The following CELSR2 variants were observed in gnomAD, a reference collection of about 807,000 sequenced individuals.
The protein encoded by CELSR2 is EGF-like protein 2.
A neutral mutation model predicts 251.6 loss-of-function variants in CELSR2; 81 were observed. The observed-to-expected ratio is 0.32, with a 90% CI of 0.27 to 0.39. CELSR2 has a LOEUF of 0.39. CELSR2 is among the 10% of genes least tolerant of loss of function. The probability of loss-of-function intolerance (pLI) is 1.00; values close to 1 mark genes in which losing one functional copy is unlikely to be tolerated. For synonymous variants in CELSR2, 1,721 were observed against 1,670.5 expected (o/e 1.03, Z -0.74); for missense variants, 3,365 against 3,947.7 (o/e 0.85, Z 3.96).
Position 109,274,399 on chromosome 1 carries a change from C to G in CELSR2, c.*350C>G. On this transcript the variant is annotated 3_prime_UTR_variant, in exon 34 of 34. Transcript: ENST00000271332. ...TTTTTATACGCTGGAAATTGACTCC[C>G]CTTTCCCTTCCCAAAGAGGATAGGA... 2.7e-6 allele frequency: 1 copy of G among 367,962 alleles called. No individual in the cohort carries two copies. The highest frequency in any genetic ancestry group is 5.1e-5 in the East Asian group (1 of 19,754). 22.8% of individuals were successfully genotyped at this position (367,962 alleles called of 1,614,324 possible). A position where few individuals can be genotyped will look rare whatever the true frequency, so the allele number is the denominator to read the frequency against.
rs756347170 is a variant in CELSR2 at position 109,262,380 on chromosome 1, C to T, written c.4480C>T (p.Arg1494Cys). 5.6e-6 allele frequency: 9 copies of T among 1,614,032 alleles called. No homozygotes were observed. The highest frequency in any genetic ancestry group is 1.6e-4 in the Middle Eastern group (1 of 6,082). The change falls in exon 6 of 34, where the codon CGC becomes TGC. Residue 1494 changes from arginine to cysteine, a missense_variant. Transcript: ENST00000271332. The stretch of plus-strand genomic sequence containing the variant: ...TGGCTGTGACACAGGAGTGGCCTTG[C>T]GCTTCGGATCTGTCCTGGGCAACTA... ...VDGCDTGVALRFGSVLGNYSC... is the reference protein window; with the variant it reads ...VDGCDTGVALCFGSVLGNYSC...
At position 109,265,726 on chromosome 1, in the gene CELSR2, C is replaced by T. The variant is rs532836927; in HGVS notation, c.5728-9C>T. 2.5e-6 allele frequency: 4 copies of T among 1,604,232 alleles called. No individual in the cohort carries two copies. The highest frequency in any genetic ancestry group is 1.3e-5 in the African/African-American group (1 of 74,906). ...TGGCCAGTGACACCGTTCTTCCCTC[C>T]TTTCTCAGGAGAACCACTACCGGCC... On this transcript the variant is annotated splice_polypyrimidine_tract_variant and intron_variant, in intron 13 of 33. Transcript: ENST00000271332.
At chr1:109,257,832 C>T (rs1456752206) in intron 1 of CELSR2, among the ~76,000 whole-genome samples, 1 of 152,208 alleles carries the variant, frequency 6.6e-6, no homozygotes, top group African/African-American at 2.4e-5. Context: ...CACAGCAGCC[C>T]AGAGAGTTGG....
At chr1:109,268,430 G>T (rs142365730) in intron 17 of CELSR2, 151 bp from the exon 18 acceptor site, 17 of 1,049,710 alleles carry the variant, frequency 1.6e-5, no homozygotes, top group Non-Finnish European at 2.1e-5. Flanking sequence ...TGGGCAGTGC[G>T]GTCCAGGAGC....
Position 109,259,071 on chromosome 1 carries a change from G to A in CELSR2, c.3950G>A (p.Gly1317Asp). ...GGCTACACCTGCCTCTGTCGTGATG[G>A]CTACACGGGTGAGCCAAGGGAGGGG... ...EGGYTCLCRD[G>D]YTGEHCEVSA... The change falls in exon 2 of 34, where the codon GGC becomes GAC. Residue 1317 changes from glycine to aspartate, a missense_variant. By Grantham distance (94) the Gly-to-Asp change is moderately conservative (BLOSUM62 -1). Around this residue, in one of 5 missense-constraint regions of CELSR2, gnomAD observed 2,093 missense variants for 2,382.8 expected, o/e 0.88. Transcript: ENST00000271332. 6.3e-7 allele frequency: 1 copy of A among 1,579,846 alleles called. No homozygotes were observed. Among genetic ancestry groups the A allele is most frequent in the Non-Finnish European group, 8.6e-7 (1 of 1,167,208 alleles).
chr1:109,258,890 G>T lies in CELSR2; in HGVS notation c.3769G>T (p.Ala1257Ser), dbSNP rs767046890. The T allele has an allele frequency of 2.4e-5, 38 of 1,612,404 alleles. 2 individuals are homozygous for T. The South Asian group carries it at 4.1e-4, about 17-fold the overall frequency. Residue 1257 changes from alanine (A) to serine (S), a missense_variant, in exon 2 of 34, where the codon GCC (alanine) becomes TCC (serine). This residue lies in a region of CELSR2 where 2,093 missense variants were observed against 2,382.8 expected (regional missense o/e 0.88). Transcript: ENST00000271332. The part of the protein sequence containing the change: ...LRFDSSAPFI[A>S]SSSVLFRPIH... ...CTTCGACTCCTCCGCGCCCTTCATC[G>T]CCTCCTCCTCCGTGCTCTTCCGGCC...
At position 109,273,436 on chromosome 1, in the gene CELSR2, G is replaced by A; in HGVS notation, c.8510G>A (p.Gly2837Asp). 6.2e-7 allele frequency: 1 copy of A among 1,610,938 alleles called. No homozygotes were observed. Among genetic ancestry groups the A allele is most frequent in the Non-Finnish European group, 8.5e-7 (1 of 1,178,818 alleles). The change falls in exon 33 of 34, where the codon GGC becomes GAC. Residue 2837 changes from glycine (G) to aspartate (D), a missense_variant and splice_region_variant. Physicochemically the swap from Gly to Asp is moderately conservative, Grantham distance 94 (BLOSUM62 -1). Around this residue, in one of 5 missense-constraint regions of CELSR2, gnomAD observed 2,093 missense variants for 2,382.8 expected, o/e 0.88. Coordinates refer to ENST00000271332, the MANE Select transcript of CELSR2 (RefSeq NM_001408.3). The stretch of plus-strand genomic sequence containing the variant: ...CTCACAGCCCCGCCCCGGCCCACAG[G>A]CATCCTTAAGAAGAAGTGTCTGCCC... ...LPGSSAQPHKGILKKKCLPTI... is the reference protein window; with the variant it reads ...LPGSSAQPHKDILKKKCLPTI...
chr1:109,263,580 C>T (rs758926746), intron 8 of CELSR2, 31 bp from the exon 9 acceptor site: 100 of 1,609,140 alleles, frequency 6.2e-5, no homozygotes, highest in Middle Eastern at 1.7e-4. Flanking sequence ...AGGCTCCACC[C>T]GTCACAGTCT....
At chr1:109,265,640 G>T in intron 13 of CELSR2, 95 bp from the exon 14 acceptor site, 1 of 1,460,248 alleles carries the variant, frequency 6.8e-7, no homozygotes, top group South Asian at 1.3e-5. Context: ...ACCTGAGGTC[G>T]GGACCCTCTC....
chr1:109,264,401 C>T (rs1340818362), intron 10 of CELSR2, 36 bp downstream of exon 10: 3 of 1,597,520 alleles, frequency 1.9e-6, no homozygotes, highest in Non-Finnish European at 2.6e-6. Context: ...TCCCCTCCCC[C>T]ACCACCTGCA....
chr1:109,273,891 A>G (rs1656450362), intron 33 of CELSR2, 131 bp from the exon 34 acceptor site: 1 of 1,303,944 alleles, frequency 7.7e-7, no homozygotes, highest in Non-Finnish European at 1.1e-6. Context: ...AGCCTAGGGC[A>G]GAGTGCGGGA....
chr1:109,268,454 C>A, intron 17 of CELSR2, 127 bp from the exon 18 acceptor site: 1 of 1,268,210 alleles, frequency 7.9e-7, no homozygotes. Flanking sequence ...TCAGGGGAGG[C>A]AACAGTGAGC....
Position 109,273,469 on chromosome 1 carries a change from G to T in CELSR2, c.8543G>T (p.Ser2848Ile), listed in dbSNP as rs200881205. The change falls in exon 33 of 34, where the codon AGC (serine) becomes ATC (isoleucine). Residue 2848 changes from serine to isoleucine, a missense_variant. Physicochemically the swap from Ser to Ile is moderately radical, Grantham distance 142 (BLOSUM62 -2). Transcript: ENST00000271332. ...AAGAAGAAGTGTCTGCCCACCATCA[G>T]CGAGAAGAGCAGCCTCCTGCGGCTC... ...ILKKKCLPTI[S>I]EKSSLLRLPL... is the part of the protein sequence containing the mutation. The T allele has an allele frequency of 1.4e-5, 22 of 1,612,358 alleles. No homozygotes were observed. The highest frequency in any genetic ancestry group is 1.9e-5 in the Non-Finnish European group (22 of 1,179,550).
At chr1:109,262,769 G>C in intron 6 of CELSR2, 37 bp from the exon 7 acceptor site, 1 of 1,600,178 alleles carries the variant, frequency 6.2e-7, no homozygotes, top group Non-Finnish European at 8.5e-7. Context: ...GAAGCTCCCA[G>C]CCCTCCCTTG....
At chr1:109,254,391 G>A (rs527972903) in intron 1 of CELSR2, among the ~76,000 whole-genome samples, 1 of 152,310 alleles carries the variant, frequency 6.6e-6, no homozygotes, top group Non-Finnish European at 1.5e-5. Context: ...AGACTCCCTG[G>A]ACAGCAGGGC....
At chr1:109,271,157 TG>T in intron 25 of CELSR2, 59 bp from the exon 26 acceptor site, 1 of 1,569,130 alleles carries the variant, frequency 6.4e-7, no homozygotes, top group Non-Finnish European at 8.8e-7. Flanking sequence ...CGGGGCCCTG[TG>T]GGCTGGGTGG....
In CELSR2 at chr1:109,263,513, G is replaced by A; in HGVS notation, c.4835-98G>A. 3 of 1,506,290 alleles carry A rather than the reference G, an allele frequency of 2.0e-6. No homozygotes were observed. The South Asian group carries it at 3.8e-5, about 19-fold the overall frequency. The allele number at this position is 1,506,290 out of a possible 1,614,324, so 93.3% of individuals were successfully genotyped here. The stretch of plus-strand genomic sequence containing the variant: ...GGAGGGCGGGGCTGATGAGGGGAGT[G>A]GGCTCTGCCTCCCGTGCAGCCGCCA... On this transcript the variant is annotated intron_variant, in intron 8 of 33. Transcript: ENST00000271332.
Position 109,262,838 on chromosome 1 carries a change from G to A in CELSR2, c.4577G>A (p.Gly1526Asp). The change falls in exon 7 of 34, where the codon GGC becomes GAC. Residue 1526 changes from glycine to aspartate, a missense_variant. Physicochemically the swap from Gly to Asp is moderately conservative, Grantham distance 94 (BLOSUM62 -1). Coordinates refer to ENST00000271332, the MANE Select transcript of CELSR2 (RefSeq NM_001408.3). ...SLDLTGPLLL[G>D]GVPDLPESFP... ...GATCTGACGGGGCCCCTGCTACTAGGCGGGGTGCCTGACCTGCCCGAGAGC... is the reference window on the plus strand; with the variant it reads ...GATCTGACGGGGCCCCTGCTACTAGACGGGGTGCCTGACCTGCCCGAGAGC... 1 of 1,613,556 alleles carries A rather than the reference G, an allele frequency of 6.2e-7. No individual in the cohort carries two copies. The highest frequency in any genetic ancestry group is 8.5e-7 in the Non-Finnish European group (1 of 1,179,948).
intron 5 of CELSR2, 37 bp from the exon 6 acceptor site, chr1:109,262,250 C>A (rs1450713935): frequency 1.9e-6 from 3 of 1,607,170 alleles, no homozygotes; most frequent in Non-Finnish European, 1.7e-6. Flanking sequence ...GGGCTCTGTA[C>A]TCAGTGTCCC....
Sources: allele counts gnomAD v4.1 joint callset (sites outside exome capture counted in the v4.1 genomes callset), GRCh38; gene constraint gnomAD v4.1.1; regional missense constraint gnomAD v4.1.1; transcripts MANE v1.5; gene names NCBI Gene and HGNC (gene_info 2026-07-23, HGNC 2026-07-21).